HACD2: variants seen among roughly 807,000 people sequenced by gnomAD.
HACD2 encodes the protein 3-hydroxyacyl-CoA dehydratase 2, also known as very-long-chain (3R)-3-hydroxyacyl-CoA dehydratase 2.
Under a neutral mutation model 31.0 loss-of-function variants are expected in HACD2, and 15 were observed. The ratio of observed to expected loss-of-function variants is 0.48; its 90% CI spans 0.32 to 0.75. The LOEUF (loss-of-function observed/expected upper bound fraction) is 0.75, where lower values mean the gene tolerates loss of function less well. HACD2 is among the 30% of genes least tolerant of loss of function. HACD2 has a pLI of 0.03. For missense variants in HACD2, 283 were observed against 313.0 expected, an observed-to-expected ratio of 0.90 and a Z score of 0.72; for synonymous variants, 115 against 122.2, an observed-to-expected ratio of 0.94 and a Z score of 0.39.
chr3:123,550,016 G>C (rs1429073059), intron 3 of HACD2, among the ~76,000 whole-genome samples: 1 of 152,090 alleles, frequency 6.6e-6, no homozygotes, highest in Non-Finnish European at 1.5e-5. Context: ...TTTTAGTCTA[G>C]AAGTATTTAA....
At chr3:123,550,295 C>T (rs1195834794) in intron 3 of HACD2, among the ~76,000 whole-genome samples, 2 of 152,090 alleles carry the variant, frequency 1.3e-5, no homozygotes, top group African/African-American at 4.8e-5. Flanking sequence ...GGTATCTGCG[C>T]AGTGAGGACT....
rs555148116 is a variant in HACD2, at chr3:123,583,963, T to C, written c.155+910A>G. ...TCTGTATGTTTGAAATTTTTCATAA[T>C]AAAATGTTAGGACTTCTTAAAAAAT... On this transcript the variant is annotated intron_variant, in intron 1 of 6. Coordinates refer to ENST00000383657, the MANE Select transcript of HACD2 (RefSeq NM_198402.5). Among the ~76,000 whole-genome samples the C allele has an allele frequency of 3.9e-5, 6 of 152,350 alleles. No individual in the cohort carries two copies. In the South Asian group the frequency reaches 6.2e-4, roughly 16 times the overall value.
chr3:123,503,773 C>T (rs575926294), intron 4 of HACD2, among the ~76,000 whole-genome samples: 1 of 150,600 alleles, frequency 6.6e-6, no homozygotes, highest in East Asian at 2.0e-4. Context: ...CCCCATAAAC[C>T]GAACAAATCT....
At chr3:123,563,642 TATACACACACACACACAC>T (rs1185116069) in intron 3 of HACD2, among the ~76,000 whole-genome samples, 12 of 105,180 alleles carry the variant, frequency 1.1e-4, no homozygotes, top group African/African-American at 2.1e-4. Context: ...AAAAAATATA[TATACACACACACACACAC>T]ACACACACAC....
At chr3:123,577,485 G>A (rs1469870778) in intron 2 of HACD2, among the ~76,000 whole-genome samples, 4 of 152,084 alleles carry the variant, frequency 2.6e-5, no homozygotes, top group South Asian at 4.2e-4. Flanking sequence ...GCCGGGTGTG[G>A]TGGCGGGCGC....
chr3:123,529,259 G>A (rs547482687), intron 3 of HACD2, among the ~76,000 whole-genome samples: 7 of 152,110 alleles, frequency 4.6e-5, no homozygotes, highest in African/African-American at 9.6e-5. Context: ...TGCCACCATC[G>A]CTGGCTAAGT....
chr3:123,523,743 C>CT (rs1247986000), intron 4 of HACD2, among the ~76,000 whole-genome samples: 1 of 152,188 alleles, frequency 6.6e-6, no homozygotes. Context: ...ACTGATCTCC[C>CT]TGACAGCTCT....
chr3:123,577,840 C>T (rs2107759587), intron 2 of HACD2, among the ~76,000 whole-genome samples: 1 of 152,222 alleles, frequency 6.6e-6, no homozygotes, highest in African/African-American at 2.4e-5. Context: ...GTAGAAAACA[C>T]CCACAACTCA....
At chr3:123,576,867 A>G (rs2056913020) in intron 2 of HACD2, among the ~76,000 whole-genome samples, 1 of 152,226 alleles carries the variant, frequency 6.6e-6, no homozygotes, top group African/African-American at 2.4e-5. Flanking sequence ...GCTGTATTTT[A>G]TAGAAATACC....
chr3:123,520,934 A>G (rs1240371305), intron 4 of HACD2, among the ~76,000 whole-genome samples: 3 of 152,196 alleles, frequency 2.0e-5, no homozygotes, highest in African/African-American at 4.8e-5. Flanking sequence ...GCCCAAGGTA[A>G]TGATTTTTTC....
chr3:123,551,599 G>A lies in HACD2; in HGVS notation c.292+16163C>T, dbSNP rs189524272. On this transcript the variant is annotated intron_variant, in intron 3 of 6. Transcript: ENST00000383657. Reference sequence around the variant, plus strand: ...AGATTGTGCCATTGCACTCCAGCCTGGTGACAGAGTGAGACTGTCTCAAAA... The same window carrying A: ...AGATTGTGCCATTGCACTCCAGCCTAGTGACAGAGTGAGACTGTCTCAAAA... Among the ~76,000 whole-genome samples the A allele has an allele frequency of 7.2e-5, 11 of 151,840 alleles. No homozygotes were observed. In the East Asian group the frequency reaches 2.1e-3, roughly 29 times the overall value.
At chr3:123,561,931 C>T (rs1030933351) in intron 3 of HACD2, among the ~76,000 whole-genome samples, 7 of 152,130 alleles carry the variant, frequency 4.6e-5, no homozygotes, top group African/African-American at 1.7e-4. Context: ...CCCACCTCAG[C>T]CTCCCAAGTA....
chr3:123,522,792 T>C (rs1011523211), intron 4 of HACD2, among the ~76,000 whole-genome samples: 2 of 152,162 alleles, frequency 1.3e-5, no homozygotes, highest in Admixed American at 6.5e-5. Flanking sequence ...ATTCAGCTTT[T>C]AGTGGGGACA....
chr3:123,581,839 C>A (rs78456557), intron 2 of HACD2, among the ~76,000 whole-genome samples: 6 of 152,104 alleles, frequency 3.9e-5, no homozygotes, highest in African/African-American at 2.4e-5. Context: ...ATTATGTCTT[C>A]TATCTATCAC....
intron 3 of HACD2, chr3:123,543,688 TG>T: frequency 2.4e-6 from 1 of 423,598 alleles, no homozygotes; most frequent in Non-Finnish European, 4.7e-6. Context: ...AGAATCCAAA[TG>T]ATAGCCACTC....
chr3:123,510,619 G>A (rs748825906), intron 4 of HACD2, among the ~76,000 whole-genome samples: 2 of 152,040 alleles, frequency 1.3e-5, no homozygotes, highest in African/African-American at 4.8e-5. Context: ...TCCTTTTTGT[G>A]TCTGAAAAAT....
Position 123,517,993 on chromosome 3 carries a change from CCATCCCGGCTAAAACGG to C in HACD2, c.381+10376_381+10392del, listed in dbSNP as rs1220037301. 7.4e-3 allele frequency among the ~76,000 whole-genome samples: 17 copies of C among 2,298 alleles called. 6 individuals are homozygous for C. The Non-Finnish European group carries it at 0.39, about 53-fold the overall frequency. The allele number at this position is 2,298 out of a possible 152,430, so 1.5% of individuals were successfully genotyped here. ...GGATCACGAGGTCAGGAGATCGAGA[CCATCCCGGCTAAAACGG>C]TGAAACCCCGTCTCTACTAAAAATA... On this transcript the variant is annotated intron_variant, in intron 4 of 6. Transcript: ENST00000383657.
chr3:123,527,785 G>A (rs753191931), intron 4 of HACD2, among the ~76,000 whole-genome samples: 6 of 152,224 alleles, frequency 3.9e-5, no homozygotes, highest in Non-Finnish European at 8.8e-5. Context: ...TGCGGCCACA[G>A]GGCATGATAA....
At chr3:123,518,963 C>G (rs1167893630) in intron 4 of HACD2, among the ~76,000 whole-genome samples, 1 of 138,486 alleles carries the variant, frequency 7.2e-6, no homozygotes, top group Non-Finnish European at 1.5e-5. Context: ...CGTCACTGCA[C>G]TCCAGCCTGG....
Sources: gnomAD v4.1 joint callset for allele counts (sites outside exome capture counted in the v4.1 genomes callset) on GRCh38, gnomAD v4.1.1 for gene constraint, MANE v1.5 for transcripts, NCBI Gene and HGNC (gene_info 2026-07-23, HGNC 2026-07-21) for gene names.